CENPP: variants seen among roughly 807,000 people sequenced by gnomAD.
CENPP encodes centromere protein P.
Under a neutral mutation model 35.6 loss-of-function variants are expected in CENPP, and 24 were observed. The observed-to-expected ratio is 0.67, with a 90% confidence interval of 0.49 to 0.95. CENPP has a LOEUF of 0.95. CENPP is among the 40% of genes least tolerant of loss of function. The pLI, the probability that CENPP is intolerant of heterozygous loss-of-function variation, is 0.00. For missense variants in CENPP, 332 were observed against 345.3 expected (o/e 0.96, Z 0.31); for synonymous variants, 120 against 125.5 (o/e 0.96, Z 0.29).
At chr9:92,337,826 G>A (rs1840978059) in intron 3 of CENPP, among the ~76,000 whole-genome samples, 197 bp downstream of exon 3, 1 of 152,196 alleles carries the variant, frequency 6.6e-6, no homozygotes, top group Admixed American at 6.5e-5. Context: ...ATATGGTAGG[G>A]TTGTTGTGAA....
At chr9:92,516,935 A>G (rs1847763426) in intron 5 of CENPP, 1 of 152,254 alleles carries the variant, frequency 6.6e-6, no homozygotes, top group Non-Finnish European at 1.5e-5. Flanking sequence ...ACAAGAGAAG[A>G]TGTCCCTATC....
chr9:92,509,797 T>C, intron 5 of CENPP: 1 of 1,253,580 alleles, frequency 8.0e-7, no homozygotes, highest in East Asian at 2.8e-5. Flanking sequence ...CCTAAAAATA[T>C]TTACTATTTA....
chr9:92,357,139 T>G (rs950331250), intron 4 of CENPP, among the ~76,000 whole-genome samples: 7 of 152,094 alleles, frequency 4.6e-5, no homozygotes, highest in African/African-American at 1.2e-4. Context: ...AACAAACTAT[T>G]GTTGCAAAAA....
At chr9:92,512,244 C>A in intron 5 of CENPP, 1 of 576,214 alleles carries the variant, frequency 1.7e-6, no homozygotes, top group Non-Finnish European at 3.1e-6. Flanking sequence ...GAAAGCAATA[C>A]TCAGAACAAG....
At chr9:92,460,638 A>G (rs1845073710) in intron 5 of CENPP, 2 of 1,018,234 alleles carry the variant, frequency 2.0e-6, no homozygotes, top group Non-Finnish European at 2.9e-6. Flanking sequence ...TTTACTTTTC[A>G]AGTTTCAGAT....
intron 4 of CENPP, among the ~76,000 whole-genome samples, chr9:92,353,210 AAAG>A (rs1237287252): frequency 1.3e-5 from 2 of 152,072 alleles, no homozygotes; most frequent in Admixed American, 1.3e-4. Context: ...ATTTTTAACG[AAAG>A]AAGAAGGAAG....
intron 5 of CENPP, among the ~76,000 whole-genome samples, chr9:92,413,990 G>T (rs749971672): frequency 1.3e-5 from 2 of 152,134 alleles, no homozygotes; most frequent in Non-Finnish European, 2.9e-5. Context: ...GTTATCATTT[G>T]TATAGGCAGC....
At chr9:92,436,417 G>GT (rs1398319635) in intron 5 of CENPP, among the ~76,000 whole-genome samples, 1 of 152,126 alleles carries the variant, frequency 6.6e-6, no homozygotes, top group Non-Finnish European at 1.5e-5. Context: ...GTGAAGTCCA[G>GT]TTTATTGATT....
At chr9:92,397,636 G>T (rs967284902) in intron 5 of CENPP, among the ~76,000 whole-genome samples, 1 of 152,078 alleles carries the variant, frequency 6.6e-6, no homozygotes, top group African/African-American at 2.4e-5. Flanking sequence ...GGCCAGCATT[G>T]GTTTCTTTTA....
Position 92,332,239 on chromosome 9 carries a change from G to T in CENPP, c.177G>T (p.Gln59His). The change falls in exon 2 of 8, where the codon CAG becomes CAT. Residue 59 changes from glutamine (Q) to histidine (H), a missense_variant. By Grantham distance (24) the Gln-to-His change is conservative (BLOSUM62 0). Coordinates refer to ENST00000375587, the MANE Select transcript of CENPP (RefSeq NM_001012267.3). ...AGTCTTCAAAAGATCTGAAAAATCA[G>T]CTTGGACATTTAGAATCAGAACTTT... ...GWKSSKDLKN[Q>H]LGHLESELSF... The T allele has an allele frequency of 6.2e-7, 1 of 1,612,966 alleles. No individual in the cohort carries two copies. The highest frequency in any genetic ancestry group is 8.5e-7 in the Non-Finnish European group (1 of 1,179,468).
At chr9:92,334,542 T>C (rs1307786062) in intron 2 of CENPP, among the ~76,000 whole-genome samples, 5 of 152,230 alleles carry the variant, frequency 3.3e-5, no homozygotes, top group African/African-American at 1.2e-4. Flanking sequence ...CCTCTTCTGC[T>C]GTCTGTGAAC....
chr9:92,596,516 G>A (rs1035360664), intron 5 of CENPP, among the ~76,000 whole-genome samples: 1 of 150,490 alleles, frequency 6.6e-6, no homozygotes, highest in East Asian at 1.9e-4. Flanking sequence ...ATACAATATT[G>A]GAAGCTAGAA....
At chr9:92,469,705 C>A (rs1383936468) in intron 5 of CENPP, among the ~76,000 whole-genome samples, 1 of 152,134 alleles carries the variant, frequency 6.6e-6, no homozygotes, top group Non-Finnish European at 1.5e-5. Context: ...TCAGATGATA[C>A]AGAACCAGAG....
At chr9:92,442,255 G>A (rs575066452) in intron 5 of CENPP, among the ~76,000 whole-genome samples, 2 of 151,604 alleles carry the variant, frequency 1.3e-5, no homozygotes, top group South Asian at 2.1e-4. Flanking sequence ...AAAATTAGCC[G>A]AGCGTGGTGG....
At chr9:92,390,050 A>G in intron 5 of CENPP, 1 of 1,578,778 alleles carries the variant, frequency 6.3e-7, no homozygotes, top group Non-Finnish European at 8.7e-7. Context: ...GAGTCTTCTT[A>G]AGTTAGCTAG....
chr9:92,466,317 TGTTATA>T (rs1245093271), intron 5 of CENPP: 2 of 1,281,410 alleles, frequency 1.6e-6, no homozygotes, highest in Non-Finnish European at 2.3e-6. Context: ...TCTGCTTGTT[TGTTATA>T]ATTTCAAGAT....
intron 5 of CENPP, among the ~76,000 whole-genome samples, chr9:92,560,477 T>C (rs1271138032): frequency 6.6e-6 from 1 of 152,188 alleles, no homozygotes; most frequent in African/African-American, 2.4e-5. Flanking sequence ...CTATCTAGCA[T>C]TACATTAGAG....
chr9:92,549,954 C>T lies in CENPP; in HGVS notation c.565-61360C>T, dbSNP rs73651323. Reference sequence around the variant, plus strand: ...CTGGTTCTTCCATCCATAGTTCCACCAAGCCACTAGAGTCTGGAGCCTTCC... The same window carrying T: ...CTGGTTCTTCCATCCATAGTTCCACTAAGCCACTAGAGTCTGGAGCCTTCC... On this transcript the variant is annotated intron_variant, in intron 5 of 7. Coordinates refer to ENST00000375587, the MANE Select transcript of CENPP (RefSeq NM_001012267.3). Among the ~76,000 whole-genome samples, 850 of 152,292 alleles carry T rather than the reference C, an allele frequency of 5.6e-3. 8 individuals are homozygous for T. The highest frequency in any genetic ancestry group is 0.019 in the African/African-American group (795 of 41,566).
chr9:92,361,553 C>G (rs944045370), intron 4 of CENPP, among the ~76,000 whole-genome samples: 1 of 151,714 alleles, frequency 6.6e-6, no homozygotes, highest in Admixed American at 6.6e-5. Context: ...AATCTTGGCT[C>G]ACTGCAACCT....
Sources: allele counts gnomAD v4.1 joint callset (sites outside exome capture counted in the v4.1 genomes callset), GRCh38; gene constraint gnomAD v4.1.1; transcripts MANE v1.5; gene names NCBI Gene and HGNC (gene_info 2026-07-23, HGNC 2026-07-21).